The following PDE1A variants were observed in gnomAD, a reference collection of about 807,000 sequenced individuals.
PDE1A encodes the protein dual specificity calcium/calmodulin-dependent 3',5'-cyclic nucleotide phosphodiesterase 1A.
In PDE1A, 35 loss-of-function variants were observed where a neutral mutation model predicts 61.7. That is an observed-to-expected ratio of 0.57 (90% CI 0.43 to 0.75). The LOEUF is 0.75. PDE1A is among the 30% of genes least tolerant of loss of function. The pLI, the probability that PDE1A is intolerant of heterozygous loss-of-function variation, is 0.00. For missense variants in PDE1A, 597 were observed against 630.6 expected, an observed-to-expected ratio of 0.95 and a Z score of 0.57; for synonymous variants, 232 against 213.2, an observed-to-expected ratio of 1.09 and a Z score of -0.77.
chr2:182,167,311 C>T (rs1034364653), downstream of PDE1A, among the ~76,000 whole-genome samples: 1 of 152,136 alleles, frequency 6.6e-6, no homozygotes, highest in East Asian at 1.9e-4. Flanking sequence ...ATCTTACAAA[C>T]ATTCTTTACT....
chr2:182,278,160 TACA>T lies in PDE1A; in HGVS notation c.54-13749_54-13747del, dbSNP rs569890913. Among the ~76,000 whole-genome samples the T allele has an allele frequency of 4.6e-4, 70 of 152,180 alleles. 1 individual carries two copies. The highest frequency in any genetic ancestry group is 1.6e-3 in the African/African-American group (68 of 41,564). On this transcript the variant is annotated intron_variant, in intron 1 of 13. Transcript: ENST00000351439. The stretch of plus-strand genomic sequence containing the variant: ...AATTCTCTACCCTTTCCTGTGTCCC[TACA>T]ACAACTCACATCAAGACAAGCACTA...
At chr2:182,469,031 G>C (rs747145631) in intron 2 of PDE1A, among the ~76,000 whole-genome samples, 1 of 151,958 alleles carries the variant, frequency 6.6e-6, no homozygotes, top group African/African-American at 2.4e-5. Context: ...AGGCAGAGTA[G>C]ATGTAGCAAA....
At chr2:182,658,969 A>G in the PDE1A span, among the ~76,000 whole-genome samples, 1 of 152,186 alleles carries the variant, frequency 6.6e-6, no homozygotes, top group African/African-American at 2.4e-5. Context: ...TACTATTGAC[A>G]GGGACTGGAA....
chr2:182,276,649 C>A (rs890937904), intron 1 of PDE1A, among the ~76,000 whole-genome samples: 2 of 152,026 alleles, frequency 1.3e-5, no homozygotes, highest in South Asian at 2.1e-4. Flanking sequence ...TTTTAGGGAA[C>A]AAGGGAAGAC....
chr2:182,535,209 T>C, the PDE1A span, among the ~76,000 whole-genome samples: 2 of 152,094 alleles, frequency 1.3e-5, no homozygotes, highest in African/African-American at 2.4e-5. Flanking sequence ...ATTTAATAGA[T>C]ACTATTTTGA....
chr2:182,385,640 GAAGAAAGAAAGAAA>G (rs1247861421), intron 1 of PDE1A, among the ~76,000 whole-genome samples: 2 of 70,450 alleles, frequency 2.8e-5, no homozygotes, highest in Non-Finnish European at 6.6e-5. Flanking sequence ...AAAGAAAGAA[GAAGAAAGAAAGAAA>G]GAAAGAAGAA....
intron 1 of PDE1A, among the ~76,000 whole-genome samples, chr2:182,406,482 A>T (rs1702304454): frequency 6.6e-6 from 1 of 152,180 alleles, no homozygotes; most frequent in Non-Finnish European, 1.5e-5. Context: ...CAGCAAGTAT[A>T]AATTATCAAC....
chr2:182,682,925 T>C, the PDE1A span, among the ~76,000 whole-genome samples: 1 of 152,138 alleles, frequency 6.6e-6, no homozygotes, highest in Non-Finnish European at 1.5e-5. Context: ...TGTCTGTGCA[T>C]GTTGTACTCC....
chr2:182,563,327 C>T, the PDE1A span, among the ~76,000 whole-genome samples: 111,625 of 151,998 alleles, frequency 0.73, 43,668 homozygotes, highest in East Asian at 0.99. Flanking sequence ...AGTAGTCATT[C>T]AGGAGCAGGT....
chr2:182,402,608 T>C (rs13108427), intron 1 of PDE1A, among the ~76,000 whole-genome samples: 4 of 152,186 alleles, frequency 2.6e-5, no homozygotes, highest in African/African-American at 4.8e-5. Flanking sequence ...ATTCAGGACA[T>C]AGACATGGGC....
At chr2:182,208,858 T>C (rs140364770) in intron 7 of PDE1A, among the ~76,000 whole-genome samples, 209 of 152,334 alleles carry the variant, frequency 1.4e-3, no homozygotes, top group East Asian at 3.1e-3. Flanking sequence ...ATAGGAGCAT[T>C]TACCCAATGC....
chr2:182,612,520 T>C, the PDE1A span, among the ~76,000 whole-genome samples: 3 of 152,158 alleles, frequency 2.0e-5, no homozygotes, highest in African/African-American at 7.2e-5. Flanking sequence ...TTAAATGATA[T>C]TGAAGTATGA....
the PDE1A span, among the ~76,000 whole-genome samples, chr2:182,564,585 T>G: frequency 6.6e-6 from 1 of 152,178 alleles, no homozygotes. Context: ...ATTTCCTGAA[T>G]CTGAATGTTG....
At chr2:182,372,385 G>A (rs1472718018) in intron 1 of PDE1A, among the ~76,000 whole-genome samples, 1 of 152,120 alleles carries the variant, frequency 6.6e-6, no homozygotes, top group East Asian at 1.9e-4. Flanking sequence ...AATGATAATT[G>A]TGATCATTTT....
the PDE1A span, among the ~76,000 whole-genome samples, chr2:182,667,870 TG>T: frequency 2.0e-5 from 3 of 152,162 alleles, no homozygotes; most frequent in Admixed American, 2.0e-4. Flanking sequence ...CCTTGGGATC[TG>T]AAAATAGGGC....
intron 2 of PDE1A, among the ~76,000 whole-genome samples, chr2:182,493,225 C>T (rs1335313979): frequency 4.1e-5 from 4 of 97,068 alleles, no homozygotes; most frequent in African/African-American, 1.2e-4. Flanking sequence ...AGGACTTTCT[C>T]GACTAACTTT....
chr2:182,209,195 G>C (rs1205942158), intron 7 of PDE1A, among the ~76,000 whole-genome samples: 3 of 152,094 alleles, frequency 2.0e-5, no homozygotes, highest in African/African-American at 7.2e-5. Context: ...CTGGGGAGAG[G>C]CCTCACAATC....
intron 2 of PDE1A, among the ~76,000 whole-genome samples, chr2:182,508,513 T>C (rs1689563266): frequency 6.6e-6 from 1 of 151,752 alleles, no homozygotes. Flanking sequence ...TTCATTTATG[T>C]TTTCTAAGCA....
the PDE1A span, among the ~76,000 whole-genome samples, chr2:182,660,996 T>A: frequency 6.6e-5 from 10 of 152,236 alleles, no homozygotes; most frequent in African/African-American, 2.4e-4. Flanking sequence ...GGAATCTGAC[T>A]TCCCTCTCCA....
Sources: allele counts gnomAD v4.1 joint callset (sites outside exome capture counted in the v4.1 genomes callset), GRCh38; gene constraint gnomAD v4.1.1; transcripts MANE v1.5; gene names NCBI Gene and HGNC (gene_info 2026-07-23, HGNC 2026-07-21).